Variants in SZT2 observed in about 807,000 individuals in gnomAD.
The protein encoded by SZT2 is KICSTOR complex protein SZT2.
Under a neutral mutation model 404.2 loss-of-function variants are expected in SZT2, and 216 were observed. That is an observed-to-expected ratio of 0.53 (90% CI 0.48 to 0.60). The LOEUF is 0.60. SZT2 is among the 20% of genes least tolerant of loss of function. The pLI, the probability that SZT2 is intolerant of heterozygous loss-of-function variation, is 0.00. For synonymous variants in SZT2, 1,693 were observed against 1,749.9 expected, an observed-to-expected ratio of 0.97 and a Z score of 0.81; for missense variants, 3,857 against 4,459.2, an observed-to-expected ratio of 0.86 and a Z score of 3.85.
intron 42 of SZT2, chr1:43,435,808 A>G (rs2153934743): frequency 6.5e-6 from 1 of 154,082 alleles, no homozygotes; most frequent in South Asian, 2.0e-4. Flanking sequence ...GCACCAGGCC[A>G]TGATCTGTCT....
At chr1:43,428,590 G>T in intron 28 of SZT2, 104 bp downstream of exon 28, 2 of 1,475,858 alleles carry the variant, frequency 1.4e-6, no homozygotes, top group South Asian at 2.6e-5. Context: ...TAGTATCTAA[G>T]CACCTGAGAA....
At position 43,453,757 on chromosome 1, in the gene SZT2, G is replaced by A. The variant is rs374100616; in HGVS notation, c.*3277G>A. ...GGGAGGCCGGAGAGCTCGGGGAATA[G>A]CCAGGACAGATTGGCGGAGAAGCGC... On this transcript the variant is annotated 3_prime_UTR_variant, in exon 72 of 72. Transcript: ENST00000634258. 1.5e-6 allele frequency: 2 copies of A among 1,324,410 alleles called. No individual in the cohort carries two copies. Among genetic ancestry groups the A allele is most frequent in the Non-Finnish European group, 1.9e-6 (2 of 1,044,280 alleles). The allele number at this position is 1,324,410 out of a possible 1,614,324, so 82.0% of individuals were successfully genotyped here. A position where few individuals can be genotyped will look rare whatever the true frequency, so the allele number is the denominator to read the frequency against.
chr1:43,431,615 C>T, intron 35 of SZT2, 92 bp downstream of exon 35: 1 of 1,597,370 alleles, frequency 6.3e-7, no homozygotes, highest in Non-Finnish European at 8.6e-7. Flanking sequence ...AGAAGTGAGG[C>T]CTCTCTCAGT....
intron 3 of SZT2, 72 bp downstream of exon 3, chr1:43,403,846 G>C (rs1342429961): frequency 6.5e-7 from 1 of 1,545,022 alleles, no homozygotes; most frequent in African/African-American, 1.4e-5. Flanking sequence ...GGCCTGTGGG[G>C]AAGTGAAAAA....
rs545057409 is a variant in SZT2 at position 43,415,240 on chromosome 1, G to A, written c.630+27G>A. 598 of 1,595,748 alleles carry A rather than the reference G, an allele frequency of 3.7e-4. 8 individuals are homozygous for A. Among genetic ancestry groups the A allele is most frequent in the South Asian group, 3.5e-3 (321 of 90,722 alleles). On this transcript the variant is annotated intron_variant, in intron 5 of 71. Transcript: ENST00000634258. ...TATGTAAGAGAGAAAGTGGGCAGAG[G>A]CAACTTAGAAAGAGGAGCAGCTAAG... is the stretch of plus-strand genomic sequence containing the variant.
Position 43,425,310 on chromosome 1 carries a change from A to T in SZT2, c.2645+103A>T. On this transcript the variant is annotated intron_variant, in intron 18 of 71. Transcript: ENST00000634258. The surrounding 1 kb of genome is among the most constrained non-coding windows in gnomAD (Gnocchi z 4.3). ...TATCCTGAGATGATCTTGATCCCAAAGTCAGGGAGGGGGTGCGGTGTTTAG... is the reference window on the plus strand; with the variant it reads ...TATCCTGAGATGATCTTGATCCCAATGTCAGGGAGGGGGTGCGGTGTTTAG... The T allele has an allele frequency of 6.5e-7, 1 of 1,528,514 alleles. No homozygotes were observed. Among genetic ancestry groups the T allele is most frequent in the Non-Finnish European group, 9.0e-7 (1 of 1,116,358 alleles). The allele number at this position is 1,528,514 out of a possible 1,614,324, so 94.7% of individuals were successfully genotyped here.
At chr1:43,401,818 A>G (rs570785964) in intron 1 of SZT2, among the ~76,000 whole-genome samples, 3 of 152,064 alleles carry the variant, frequency 2.0e-5, no homozygotes, top group Middle Eastern at 3.4e-3. Context: ...ACTTTTGCAT[A>G]TATCTTAGAT....
chr1:43,454,168 T>A lies in SZT2; in HGVS notation c.*3688T>A. 2.7e-6 allele frequency: 1 copy of A among 372,420 alleles called. No homozygotes were observed. The highest frequency in any genetic ancestry group is 3.8e-6 in the Non-Finnish European group (1 of 262,586). 23.1% of individuals were successfully genotyped at this position (372,420 alleles called of 1,614,324 possible). A position where few individuals can be genotyped will look rare whatever the true frequency, so the allele number is the denominator to read the frequency against. On this transcript the variant is annotated 3_prime_UTR_variant, in exon 72 of 72. Coordinates refer to ENST00000634258, the MANE Select transcript of SZT2 (RefSeq NM_001365999.1). ...GCACTTTAATACTGAGTCTTTCCTC[T>A]GATTATAAAAATGCTATCTGTTCGT...
Position 43,441,083 on chromosome 1 carries a change from C to G in SZT2, c.7345-131C>G. The G allele has an allele frequency of 1.7e-6, 2 of 1,185,578 alleles. No individual in the cohort carries two copies. The highest frequency in any genetic ancestry group is 2.4e-6 in the Non-Finnish European group (2 of 840,344). 73.4% of individuals were successfully genotyped at this position (1,185,578 alleles called of 1,614,324 possible). A position where few individuals can be genotyped will look rare whatever the true frequency, so the allele number is the denominator to read the frequency against. Reference sequence around the variant, plus strand: ...GGTAACCTGCCCAAGGCTCCTTAGCCAGCCCCTGGGGAAGCCAGGGTCTGA... The same window carrying G: ...GGTAACCTGCCCAAGGCTCCTTAGCGAGCCCCTGGGGAAGCCAGGGTCTGA... On this transcript the variant is annotated intron_variant, in intron 52 of 71. Coordinates refer to ENST00000634258, the MANE Select transcript of SZT2 (RefSeq NM_001365999.1). This position sits in a 1 kb window ranked among gnomAD's most constrained non-coding sequence, Gnocchi z 4.8.
intron 6 of SZT2, among the ~76,000 whole-genome samples, 199 bp downstream of exon 6, chr1:43,416,300 A>G (rs1465189567): frequency 6.6e-6 from 1 of 152,180 alleles, no homozygotes; most frequent in Non-Finnish European, 1.5e-5. Flanking sequence ...CCCTAGAAGG[A>G]GTAGAGCTCC....
intron 4 of SZT2, 47 bp downstream of exon 4, chr1:43,404,597 T>G (rs1650076116): frequency 3.8e-6 from 6 of 1,581,440 alleles, no homozygotes; most frequent in Non-Finnish European, 5.2e-6. Context: ...CAAATTTCTA[T>G]TAGTCCTCTG....
chr1:43,441,085 GC>G lies in SZT2; in HGVS notation c.7345-125del. On this transcript the variant is annotated intron_variant, in intron 52 of 71. Transcript: ENST00000634258. The surrounding 1 kb of genome is among the most constrained non-coding windows in gnomAD (Gnocchi z 4.8). The stretch of plus-strand genomic sequence containing the variant: ...TAACCTGCCCAAGGCTCCTTAGCCA[GC>G]CCCTGGGGAAGCCAGGGTCTGAACC... 1 of 1,200,822 alleles carries G rather than the reference GC, an allele frequency of 8.3e-7. No homozygotes were observed. Among genetic ancestry groups the G allele is most frequent in the South Asian group, 1.5e-5 (1 of 66,702 alleles). 74.4% of individuals were successfully genotyped at this position (1,200,822 alleles called of 1,614,324 possible).
rs774815458 is a variant in SZT2, at chr1:43,453,738, C to A, written c.*3258C>A. On this transcript the variant is annotated 3_prime_UTR_variant, in exon 72 of 72. Transcript: ENST00000634258. ...CGCGGCCCGCACCCGCGCGGGGAGG[C>A]CGGAGAGCTCGGGGAATAGCCAGGA... The A allele has an allele frequency of 7.2e-7, 1 of 1,386,752 alleles. No homozygotes were observed. Among genetic ancestry groups the A allele is most frequent in the Non-Finnish European group, 9.2e-7 (1 of 1,082,284 alleles). 85.9% of individuals were successfully genotyped at this position (1,386,752 alleles called of 1,614,324 possible). A position where few individuals can be genotyped will look rare whatever the true frequency, so the allele number is the denominator to read the frequency against.
In SZT2 at chr1:43,451,863, G is replaced by T; in HGVS notation, c.*1383G>T. The stretch of plus-strand genomic sequence containing the variant: ...ATGGCTGCCGCTGTAAGAGAAGCCA[G>T]GGAGGGGACCGTGAGCCTCAAGAGC... On this transcript the variant is annotated 3_prime_UTR_variant, in exon 72 of 72. Transcript: ENST00000634258. 3.7e-6 allele frequency: 6 copies of T among 1,614,092 alleles called. No homozygotes were observed. Among genetic ancestry groups the T allele is most frequent in the Non-Finnish European group, 5.1e-6 (6 of 1,179,970 alleles).
chr1:43,426,353 G>A lies in SZT2; in HGVS notation c.3044-15G>A, dbSNP rs1653142878. The stretch of plus-strand genomic sequence containing the variant: ...CAGGAGGCTCTTGGTGCTGAGCAGA[G>A]TGTGTGTCGGGCAGAGCCAGAGGGT... On this transcript the variant is annotated splice_polypyrimidine_tract_variant and intron_variant, in intron 21 of 71. Coordinates refer to ENST00000634258, the MANE Select transcript of SZT2 (RefSeq NM_001365999.1). The surrounding 1 kb of genome is among the most constrained non-coding windows in gnomAD (Gnocchi z 4.9). The A allele has an allele frequency of 2.0e-6, 3 of 1,532,882 alleles. No individual in the cohort carries two copies. Among genetic ancestry groups the A allele is most frequent in the Admixed American group, 1.9e-5 (1 of 51,658 alleles). 95.0% of individuals were successfully genotyped at this position (1,532,882 alleles called of 1,614,324 possible).
rs1324360031 is a variant in SZT2, at chr1:43,451,129, C to T, written c.*649C>T. The T allele has an allele frequency of 6.6e-6, 7 of 1,068,092 alleles. No individual in the cohort carries two copies. The highest frequency in any genetic ancestry group is 4.4e-6 in the Non-Finnish European group (3 of 687,164). 66.2% of individuals were successfully genotyped at this position (1,068,092 alleles called of 1,614,324 possible). A position where few individuals can be genotyped will look rare whatever the true frequency, so the allele number is the denominator to read the frequency against. ...GAAGTGTTAGACACTATGTGTCCCA[C>T]CACCCCATTACAGAGACATATGACA... On this transcript the variant is annotated 3_prime_UTR_variant, in exon 72 of 72. Transcript: ENST00000634258.
chr1:43,395,032 G>A lies in SZT2; in HGVS notation c.27+5037G>A, dbSNP rs187775275. On this transcript the variant is annotated intron_variant, in intron 1 of 71. Transcript: ENST00000634258. ...TCTGTAAGAACTGATTGATGAGCTA[G>A]ACTTCATTGTGCCTTTGGAGAGTCA... is the stretch of plus-strand genomic sequence containing the variant. Among the ~76,000 whole-genome samples, 1,248 of 152,316 alleles carry A rather than the reference G, an allele frequency of 8.2e-3. 6 individuals are homozygous for A. The highest frequency in any genetic ancestry group is 0.014 in the Middle Eastern group (4 of 294).
Position 43,441,750 on chromosome 1 carries a change from G to A in SZT2, c.7674G>A (p.Leu2558=), listed in dbSNP as rs180898007. The A allele has an allele frequency of 1.2e-5, 20 of 1,614,166 alleles. No individual in the cohort carries two copies. Among genetic ancestry groups the A allele is most frequent in the Middle Eastern group, 3.3e-4 (2 of 6,062 alleles). The part of the protein sequence containing the change: ...MVSRFLLPSI[L]SEFTALVTSM... Reference sequence around the variant, plus strand: ...CCCGGTTCCTCCTTCCATCCATCCTGTCTGAGTTCACCGCACTGGTCACCT... The same window carrying A: ...CCCGGTTCCTCCTTCCATCCATCCTATCTGAGTTCACCGCACTGGTCACCT... Residue 2558 remains leucine (L), a synonymous_variant, in exon 55 of 72, where the codon CTG becomes CTA. Transcript: ENST00000634258. The surrounding 1 kb of genome is among the most constrained non-coding windows in gnomAD (Gnocchi z 4.8).
chr1:43,451,340 C>T lies in SZT2; in HGVS notation c.*860C>T, dbSNP rs1293024684. Reference sequence around the variant, plus strand: ...CAGGGAGAGGGAGGCCTCGGCACCTCAGCCCACAAGGAGAAAACAGCCCCT... The same window carrying T: ...CAGGGAGAGGGAGGCCTCGGCACCTTAGCCCACAAGGAGAAAACAGCCCCT... On this transcript the variant is annotated 3_prime_UTR_variant, in exon 72 of 72. Transcript: ENST00000634258. 5 of 1,613,020 alleles carry T rather than the reference C, an allele frequency of 3.1e-6. No individual in the cohort carries two copies. Among genetic ancestry groups the T allele is most frequent in the Non-Finnish European group, 4.2e-6 (5 of 1,179,968 alleles).
Sources: allele counts gnomAD v4.1 joint callset (sites outside exome capture counted in the v4.1 genomes callset), GRCh38; gene constraint gnomAD v4.1.1; non-coding constraint Gnocchi (gnomAD v3.1); transcripts MANE v1.5; gene names NCBI Gene and HGNC (gene_info 2026-07-23, HGNC 2026-07-21).